Variants in APTX observed in about 807,000 individuals in gnomAD.
APTX encodes the protein aprataxin.
APTX carries 33 observed loss-of-function variants against 42.3 expected under a neutral mutation model. The observed-to-expected ratio is 0.78, with a 90% confidence interval of 0.59 to 1.04. APTX has a LOEUF of 1.04. Among genes scored for constraint, APTX ranks in the 50% least tolerant of loss-of-function variants. The pLI, the probability that APTX is intolerant of heterozygous loss-of-function variation, is 0.00. For synonymous variants in APTX, 130 were observed against 146.7 expected (o/e 0.89, Z 0.82); for missense variants, 421 against 415.1 (o/e 1.01, Z -0.12).
intron 1 of APTX, among the ~76,000 whole-genome samples, chr9:33,009,290 T>C (rs192802325): frequency 8.1e-4 from 123 of 152,314 alleles, no homozygotes; most frequent in Non-Finnish European, 1.3e-3. Context: ...GGCACAGGAA[T>C]GCCTTCTAAC....
intron 1 of APTX, chr9:33,019,866 G>T: frequency 1.6e-6 from 1 of 634,028 alleles, no homozygotes; most frequent in Non-Finnish European, 2.9e-6. Context: ...ACCACCCTTT[G>T]GTGGGGTTCG....
rs145643314 is a variant in APTX, at chr9:33,016,366, A to C, written c.-5+8657T>G. 1.9e-3 allele frequency: 296 copies of C among 152,348 alleles called. 1 individual carries two copies. Among genetic ancestry groups the C allele is most frequent in the African/African-American group, 6.4e-3 (268 of 41,580 alleles). 9.4% of individuals were successfully genotyped at this position (152,348 alleles called of 1,614,324 possible). ...AGCCATGTAAAAATTCATTTCAACA[A>C]ACAGCACACAGAAGATCTCAAGAAA... On this transcript the variant is annotated intron_variant, in intron 1 of 6. Coordinates refer to the APTX transcript ENST00000436040.
rs775694819 is a variant in APTX, at chr9:32,984,682, C to T, written c.719G>A (p.Gly240Glu). 6.2e-6 allele frequency: 10 copies of T among 1,614,168 alleles called. No individual in the cohort carries two copies. Among genetic ancestry groups the T allele is most frequent in the Non-Finnish European group, 8.5e-6 (10 of 1,180,036 alleles). Residue 240 changes from glycine to glutamate, a missense_variant, in exon 6 of 8, where the codon GGG (glycine) becomes GAG (glutamate). Transcript: ENST00000379817. The stretch of plus-strand genomic sequence containing the variant: ...CAATCGGAAGCGGAGTTTGCTGGAC[C>T]CAGCAAAATCTACAATCACCTTTTC... Reference protein sequence around the residue: ...VGEKVIVDFAGSSKLRFRLGY... With the variant: ...VGEKVIVDFAESSKLRFRLGY...
chr9:32,993,209 A>G (rs572561001), intron 1 of APTX, among the ~76,000 whole-genome samples: 66 of 152,202 alleles, frequency 4.3e-4, no homozygotes, highest in Middle Eastern at 3.2e-3. Context: ...TTATTCCCCC[A>G]AAGTTCTCAA....
intron 1 of APTX, among the ~76,000 whole-genome samples, chr9:33,021,663 T>C (rs977719671): frequency 1.3e-5 from 2 of 150,306 alleles, no homozygotes; most frequent in South Asian, 2.1e-4. Context: ...TCTCTGCACA[T>C]ACAAAAAAAA....
chr9:33,018,166 G>T (rs11788347), intron 1 of APTX, among the ~76,000 whole-genome samples: 10,484 of 149,678 alleles, frequency 0.07, 502 homozygotes, highest in Non-Finnish European at 0.11. Flanking sequence ...GCTGGAGCGC[G>T]GTGGCACGAT....
intron 1 of APTX, among the ~76,000 whole-genome samples, chr9:33,016,964 G>C (rs1216904233): frequency 6.6e-6 from 1 of 152,230 alleles, no homozygotes; most frequent in Non-Finnish European, 1.5e-5. Flanking sequence ...ACCAGGCAGT[G>C]TTCTAGATGC....
At chr9:32,997,860 G>A (rs1006502965) in intron 1 of APTX, among the ~76,000 whole-genome samples, 1 of 152,214 alleles carries the variant, frequency 6.6e-6, no homozygotes, top group Non-Finnish European at 1.5e-5. Flanking sequence ...TGCATGGACA[G>A]ATCTTTAAAG....
chr9:33,006,999 CAAAAAAAAAAAAAAA>C (rs55924566), intron 1 of APTX, among the ~76,000 whole-genome samples: 1 of 49,444 alleles, frequency 2.0e-5, no homozygotes, highest in Non-Finnish European at 3.5e-5. Context: ...GACTCTGTCT[CAAAAAAAAAAAAAAA>C]AAAAAAAAAG....
At chr9:32,998,116 T>G (rs1204035069) in intron 1 of APTX, among the ~76,000 whole-genome samples, 1 of 152,184 alleles carries the variant, frequency 6.6e-6, no homozygotes, top group Non-Finnish European at 1.5e-5. Context: ...GGAAAGACAC[T>G]GAGTTCAGTT....
chr9:32,979,208 T>C (rs1830144464), intron 6 of APTX, among the ~76,000 whole-genome samples: 1 of 152,098 alleles, frequency 6.6e-6, no homozygotes, highest in South Asian at 2.1e-4. Flanking sequence ...CACTGTCAAA[T>C]AGGCCCTAGT....
chr9:32,987,747 A>AT lies in APTX; in HGVS notation c.279_280insA (p.Tyr94IlefsTer8). 6.2e-7 allele frequency: 1 copy of AT among 1,614,222 alleles called. No homozygotes were observed. The highest frequency in any genetic ancestry group is 1.7e-4 in the Middle Eastern group (1 of 6,060). ...TCCTCAAACTCTACAATATATGGAT[A>AT]AAGTTCATTCACCATGTGGAGAACC... On this transcript the variant is annotated frameshift_variant, in exon 4 of 8. Transcript: ENST00000379817. LOFTEE classifies it high-confidence loss of function.
chr9:33,020,047 G>T, intron 1 of APTX: 1 of 396,948 alleles, frequency 2.5e-6, no homozygotes, highest in Non-Finnish European at 4.5e-6. Context: ...AGCTGCCGGG[G>T]TGTCCGCGCC....
upstream of APTX, among the ~76,000 whole-genome samples, chr9:33,003,521 A>C (rs572227771): frequency 8.5e-5 from 13 of 152,252 alleles, no homozygotes; most frequent in Non-Finnish European, 1.3e-4. Flanking sequence ...AGTCCCAGCT[A>C]CTTGGGAGGC....
At chr9:33,009,629 C>T (rs1837395756) in intron 1 of APTX, among the ~76,000 whole-genome samples, 1 of 151,818 alleles carries the variant, frequency 6.6e-6, no homozygotes, top group South Asian at 2.1e-4. Flanking sequence ...AAATAAATAA[C>T]TTAGCCGGGC....
At chr9:33,012,740 C>T (rs889595204) in intron 1 of APTX, among the ~76,000 whole-genome samples, 7 of 152,098 alleles carry the variant, frequency 4.6e-5, no homozygotes, top group Admixed American at 6.5e-5. Flanking sequence ...GCCCCAACTG[C>T]GGAATTCTGA....
Position 33,001,445 on chromosome 9 carries a change from G to A in APTX, c.-5+122C>T, listed in dbSNP as rs753594608. On this transcript the variant is annotated intron_variant, in intron 1 of 7. Transcript: ENST00000379817. ...GAGGACGGAGAAAGCAGCCGTGAGA[G>A]CAGCGCATGAAAGCAGCGTCATTCA... The A allele has an allele frequency of 2.6e-6, 4 of 1,565,552 alleles. No individual in the cohort carries two copies. In the African/African-American group the frequency reaches 4.1e-5, roughly 16 times the overall value.
intron 1 of APTX, among the ~76,000 whole-genome samples, chr9:33,022,626 G>A (rs1356402123): frequency 6.6e-6 from 1 of 152,164 alleles, no homozygotes; most frequent in South Asian, 2.1e-4. Context: ...TTCATCAGTA[G>A]GGGAATAAAT....
intron 1 of APTX, 79 bp downstream of exon 1, chr9:33,001,488 G>C (rs767422819): frequency 1.2e-6 from 2 of 1,606,362 alleles, no homozygotes; most frequent in Non-Finnish European, 1.7e-6. Flanking sequence ...TCACTCAAGG[G>C]TAGGAGCAGC....
Sources: allele counts gnomAD v4.1 joint callset (sites outside exome capture counted in the v4.1 genomes callset), GRCh38; gene constraint gnomAD v4.1.1; transcripts MANE v1.5; gene names NCBI Gene and HGNC (gene_info 2026-07-23, HGNC 2026-07-21).